The following MTRF1 variants were observed in gnomAD, a reference collection of about 807,000 sequenced individuals.
MTRF1 encodes peptide chain release factor 1, mitochondrial.
In MTRF1, 51 loss-of-function variants were observed where a neutral mutation model predicts 62.9. That is an observed-to-expected ratio of 0.81 (90% CI 0.65 to 1.02). The LOEUF is 1.02. Ranked by LOEUF, MTRF1 falls within the 50% of genes least tolerant of loss-of-function variation. The pLI is 0.00. For missense variants in MTRF1, 446 were observed against 530.0 expected (o/e 0.84, Z 1.56); for synonymous variants, 158 against 181.9 (o/e 0.87, Z 1.06).
chr13:41,253,224 T>C (rs1331503722), intron 3 of MTRF1, among the ~76,000 whole-genome samples, 194 bp from the exon 4 acceptor site: 2 of 152,236 alleles, frequency 1.3e-5, no homozygotes, highest in Admixed American at 1.3e-4. Flanking sequence ...ATGTTAACAA[T>C]GGAGTTACTT....
the MTRF1 span, among the ~76,000 whole-genome samples, chr13:41,290,898 G>T: frequency 6.7e-6 from 1 of 149,740 alleles, no homozygotes; most frequent in African/African-American, 2.4e-5. Context: ...TTCGAGACCA[G>T]CCTGACCAAC....
chr13:41,255,551 G>C (rs1275131307), intron 2 of MTRF1, among the ~76,000 whole-genome samples: 2 of 152,092 alleles, frequency 1.3e-5, no homozygotes, highest in African/African-American at 4.8e-5. Context: ...AATTATACAG[G>C]CATGGTGGTG....
intron 9 of MTRF1, among the ~76,000 whole-genome samples, chr13:41,219,737 G>A (rs1282878483): frequency 6.6e-6 from 1 of 152,110 alleles, no homozygotes; most frequent in Non-Finnish European, 1.5e-5. Flanking sequence ...GGTGGCTCAC[G>A]CCTCTAATCT....
chr13:41,279,366 A>G, the MTRF1 span, among the ~76,000 whole-genome samples: 11 of 152,230 alleles, frequency 7.2e-5, no homozygotes, highest in Non-Finnish European at 1.5e-4. Flanking sequence ...CATCTGCATG[A>G]TAAAACCTTG....
chr13:41,309,383 T>TGTGTGTGTGTGTGTGTGTG, the MTRF1 span, among the ~76,000 whole-genome samples: 6 of 144,912 alleles, frequency 4.1e-5, no homozygotes, highest in Non-Finnish European at 6.2e-5. Context: ...TGTGTGTGTG[T>TGTGTGTGTGTGTGTGTGTG]TTGCCATGTT....
At chr13:41,296,022 CT>C in the MTRF1 span, among the ~76,000 whole-genome samples, 1 of 152,092 alleles carries the variant, frequency 6.6e-6, no homozygotes, top group Non-Finnish European at 1.5e-5. Flanking sequence ...ACAATCACAA[CT>C]TGCTGTAATT....
At position 41,254,693 on chromosome 13, in the gene MTRF1, C is replaced by G. The variant is rs1018432465; in HGVS notation, c.416-73G>C. 3.4e-5 allele frequency: 37 copies of G among 1,082,458 alleles called. 2 individuals are homozygous for G. Among genetic ancestry groups the G allele is most frequent in the Middle Eastern group, 2.1e-4 (1 of 4,686 alleles). The allele number at this position is 1,082,458 out of a possible 1,614,324, so 67.1% of individuals were successfully genotyped here. ...GAGAAACTCCTAAGTAGCCATGTTC[C>G]TCTTTGGCTACTAAGTTTTATTTCA... On this transcript the variant is annotated intron_variant, in intron 2 of 9. Transcript: ENST00000379480.
At chr13:41,286,626 T>A in the MTRF1 span, among the ~76,000 whole-genome samples, 1 of 152,216 alleles carries the variant, frequency 6.6e-6, no homozygotes, top group Non-Finnish European at 1.5e-5. Flanking sequence ...TCATATCTTA[T>A]CAAAATACGA....
At chr13:41,280,311 C>A in the MTRF1 span, among the ~76,000 whole-genome samples, 1 of 152,302 alleles carries the variant, frequency 6.6e-6, no homozygotes, top group South Asian at 2.1e-4. Flanking sequence ...AATTGTCAAC[C>A]AGAAAATGTT....
the MTRF1 span, chr13:41,287,819 CG>C: frequency 3.8e-6 from 1 of 265,078 alleles, no homozygotes; most frequent in South Asian, 4.3e-5. Context: ...TGTCAAACAC[CG>C]TTTTGAACCC....
At chr13:41,218,281 ATTTTTT>A (rs199717534) in intron 9 of MTRF1, among the ~76,000 whole-genome samples, 4 of 117,832 alleles carry the variant, frequency 3.4e-5, no homozygotes, top group African/African-American at 9.5e-5. Context: ...CACCCAGCTA[ATTTTTT>A]TTTTTTTTTT....
chr13:41,302,571 C>T, the MTRF1 span, among the ~76,000 whole-genome samples: 1 of 151,514 alleles, frequency 6.6e-6, no homozygotes, highest in African/African-American at 2.4e-5. Context: ...GCTTTGTCAC[C>T]CAGGCTGGAG....
intron 9 of MTRF1, among the ~76,000 whole-genome samples, chr13:41,220,092 C>G (rs1017507638): frequency 6.6e-6 from 1 of 150,654 alleles, no homozygotes; most frequent in Non-Finnish European, 1.5e-5. Flanking sequence ...CTTTGGGAGG[C>G]CAAGGTGGGT....
rs1164879347 is a variant in MTRF1 at position 41,247,924 on chromosome 13, G to A, written c.697+4721C>T. ...TGACCTCCACACAAGCCCCTATCCT[G>A]ACTAGTAGATCACAGTGACATTTTT... is the stretch of plus-strand genomic sequence containing the variant. On this transcript the variant is annotated intron_variant, in intron 5 of 9. Transcript: ENST00000379480. Among the ~76,000 whole-genome samples, 3 of 152,198 alleles carry A rather than the reference G, an allele frequency of 2.0e-5. No homozygotes were observed. The East Asian group carries it at 5.8e-4, about 29-fold the overall frequency.
the MTRF1 span, among the ~76,000 whole-genome samples, chr13:41,307,694 C>T: frequency 3.3e-5 from 5 of 152,176 alleles, no homozygotes; most frequent in East Asian, 1.9e-4. Context: ...GCCTGCTTCC[C>T]GTTTGCCTTC....
the MTRF1 span, among the ~76,000 whole-genome samples, chr13:41,300,414 G>A: frequency 1.3e-5 from 2 of 151,966 alleles, no homozygotes; most frequent in African/African-American, 4.8e-5. Context: ...GTGAAACCCC[G>A]TCTCTACTAA....
At chr13:41,249,619 C>CTTTTTGTTTTTTTTTTTT (rs2038774137) in intron 5 of MTRF1, among the ~76,000 whole-genome samples, 2 of 61,530 alleles carry the variant, frequency 3.3e-5, no homozygotes, top group Non-Finnish European at 5.4e-5. Context: ...ATTTTTTTTT[C>CTTTTTGTTTTTTTTTTTT]TTTTTTTTTT....
At chr13:41,301,369 C>T in the MTRF1 span, among the ~76,000 whole-genome samples, 3 of 152,226 alleles carry the variant, frequency 2.0e-5, no homozygotes, top group South Asian at 2.1e-4. Flanking sequence ...GACCCAACAA[C>T]GCACTATTAT....
chr13:41,253,129 C>T (rs2039287100), intron 3 of MTRF1, 99 bp from the exon 4 acceptor site: 1 of 884,406 alleles, frequency 1.1e-6, no homozygotes, highest in South Asian at 1.7e-5. Flanking sequence ...CAATAATTGG[C>T]AAAATCATAT....
Sources: gnomAD v4.1 joint callset for allele counts (sites outside exome capture counted in the v4.1 genomes callset) on GRCh38, gnomAD v4.1.1 for gene constraint, MANE v1.5 for transcripts, NCBI Gene and HGNC (gene_info 2026-07-23, HGNC 2026-07-21) for gene names.